Variants in MACROD2 observed in about 807,000 individuals in gnomAD.
MACROD2 encodes ADP-ribose glycohydrolase MACROD2.
MACROD2 carries 36 observed loss-of-function variants against 70.4 expected under a neutral mutation model. The observed-to-expected ratio is 0.51, with a 90% confidence interval of 0.39 to 0.68. The LOEUF is 0.68. MACROD2 is among the 30% of genes least tolerant of loss of function. The probability of loss-of-function intolerance (pLI) is 0.00; values close to 1 mark genes in which losing one functional copy is unlikely to be tolerated. For missense variants in MACROD2, 496 were observed against 538.4 expected (o/e 0.92, Z 0.78); for synonymous variants, 172 against 178.8 (o/e 0.96, Z 0.30).
chr20:14,105,503 C>T (rs1413199474), intron 3 of MACROD2, among the ~76,000 whole-genome samples: 1 of 152,172 alleles, frequency 6.6e-6, no homozygotes, highest in Non-Finnish European at 1.5e-5. Context: ...AGAATTTGAG[C>T]TTCTTAGTAG....
At chr20:16,047,768 T>A (rs949992601) in intron 17 of MACROD2, among the ~76,000 whole-genome samples, 1 of 152,226 alleles carries the variant, frequency 6.6e-6, no homozygotes, top group African/African-American at 2.4e-5. Context: ...TATAAGCCAC[T>A]AAATTTGGGG....
chr20:15,416,860 G>A (rs897534092), intron 6 of MACROD2, among the ~76,000 whole-genome samples: 39 of 151,838 alleles, frequency 2.6e-4, no homozygotes, highest in Non-Finnish European at 4.4e-4. Flanking sequence ...CCGAGATCGC[G>A]CCACTGCACT....
chr20:15,603,894 A>T (rs1277909063), intron 8 of MACROD2, among the ~76,000 whole-genome samples: 2 of 152,092 alleles, frequency 1.3e-5, no homozygotes, highest in African/African-American at 4.8e-5. Context: ...AAAAAAATGT[A>T]TTGAACAATA....
chr20:14,881,673 C>G (rs746752837), intron 5 of MACROD2, among the ~76,000 whole-genome samples: 4 of 152,118 alleles, frequency 2.6e-5, no homozygotes, highest in Non-Finnish European at 4.4e-5. Context: ...TGTCCATACT[C>G]TACAGTGGCA....
chr20:14,619,900 C>G (rs188992289), intron 4 of MACROD2, among the ~76,000 whole-genome samples: 120 of 152,266 alleles, frequency 7.9e-4, no homozygotes, highest in South Asian at 3.3e-3. Context: ...GCCAATAGAG[C>G]CTCCACTGTC....
intron 6 of MACROD2, among the ~76,000 whole-genome samples, chr20:15,282,417 T>A (rs973468695): frequency 6.6e-6 from 1 of 152,340 alleles, no homozygotes; most frequent in Admixed American, 6.5e-5. Context: ...CCAAACCACA[T>A]CTTTGTGAAT....
At chr20:15,870,246 A>G (rs1431710374) in intron 9 of MACROD2, among the ~76,000 whole-genome samples, 1 of 150,998 alleles carries the variant, frequency 6.6e-6, no homozygotes, top group Non-Finnish European at 1.5e-5. Context: ...TATTATTATT[A>G]TTATTATTAT....
intron 9 of MACROD2, among the ~76,000 whole-genome samples, chr20:15,880,786 A>G (rs2064743615): frequency 1.3e-5 from 2 of 152,216 alleles, no homozygotes; most frequent in Non-Finnish European, 2.9e-5. Flanking sequence ...CTGGTGGCTC[A>G]AAGGCAGGCT....
At chr20:15,432,855 T>A (rs2046380028) in intron 7 of MACROD2, among the ~76,000 whole-genome samples, 1 of 151,978 alleles carries the variant, frequency 6.6e-6, no homozygotes, top group Non-Finnish European at 1.5e-5. Context: ...AAAAGGGAAT[T>A]GATGTAATAT....
intron 8 of MACROD2, among the ~76,000 whole-genome samples, chr20:15,523,303 T>G (rs1359905776): frequency 6.6e-6 from 1 of 152,254 alleles, no homozygotes; most frequent in African/African-American, 2.4e-5. Flanking sequence ...AAACACAATG[T>G]ACTTTTCAAA....
intron 12 of MACROD2, among the ~76,000 whole-genome samples, chr20:15,960,696 G>A (rs1291844169): frequency 6.6e-6 from 1 of 152,104 alleles, no homozygotes; most frequent in African/African-American, 2.4e-5. Flanking sequence ...TCCCTGAAGG[G>A]TGAGGAAGCT....
At chr20:15,751,336 C>T (rs763582222) in intron 8 of MACROD2, among the ~76,000 whole-genome samples, 1 of 151,890 alleles carries the variant, frequency 6.6e-6, no homozygotes, top group Non-Finnish European at 1.5e-5. Flanking sequence ...TGTTTACCCA[C>T]AGTAAAAGTA....
intron 6 of MACROD2, among the ~76,000 whole-genome samples, chr20:15,267,387 A>G (rs1052636611): frequency 6.6e-6 from 1 of 152,016 alleles, no homozygotes; most frequent in Non-Finnish European, 1.5e-5. Flanking sequence ...AGACTGCTCA[A>G]TTTCTGGAGG....
At chr20:14,694,923 G>C (rs2071104626) in intron 5 of MACROD2, among the ~76,000 whole-genome samples, 1 of 152,140 alleles carries the variant, frequency 6.6e-6, no homozygotes, top group Admixed American at 6.5e-5. Flanking sequence ...GAGAGCTAGA[G>C]CTTAATTCCC....
intron 8 of MACROD2, among the ~76,000 whole-genome samples, chr20:15,759,925 G>T (rs2051409937): frequency 1.3e-5 from 2 of 152,158 alleles, no homozygotes; most frequent in South Asian, 4.1e-4. Context: ...AAGCAAAGCT[G>T]CCTTTCCCAA....
chr20:14,818,833 T>G (rs903519570), intron 5 of MACROD2, among the ~76,000 whole-genome samples: 4 of 124,226 alleles, frequency 3.2e-5, no homozygotes, highest in Admixed American at 8.7e-5. Context: ...AGGTTTTTTT[T>G]TTTTTTTTTT....
chr20:15,095,932 A>T (rs181662338), intron 5 of MACROD2, among the ~76,000 whole-genome samples: 54 of 152,224 alleles, frequency 3.5e-4, no homozygotes, highest in African/African-American at 1.1e-3. Context: ...ATAGATTTAG[A>T]AAACAATCAG....
intron 2 of MACROD2, among the ~76,000 whole-genome samples, chr20:14,013,136 T>A (rs571027700): frequency 6.6e-6 from 1 of 152,334 alleles, no homozygotes; most frequent in African/African-American, 2.4e-5. Flanking sequence ...TTCTAGACTA[T>A]GTGGTTTGTC....
At chr20:15,092,949 C>T (rs2075802914) in intron 5 of MACROD2, among the ~76,000 whole-genome samples, 1 of 152,052 alleles carries the variant, frequency 6.6e-6, no homozygotes, top group South Asian at 2.1e-4. Flanking sequence ...ATGGCATTAG[C>T]CTCTGAGTAA....
Sources: gnomAD v4.1 joint callset for allele counts (sites outside exome capture counted in the v4.1 genomes callset) on GRCh38, gnomAD v4.1.1 for gene constraint, MANE v1.5 for transcripts, NCBI Gene and HGNC (gene_info 2026-07-23, HGNC 2026-07-21) for gene names.